MAF: variants seen among roughly 807,000 people sequenced by gnomAD.
MAF encodes the protein MAF bZIP transcription factor.
MAF carries 10 observed loss-of-function variants against 22.0 expected under a neutral mutation model. The ratio of observed to expected loss-of-function variants is 0.45; its 90% CI spans 0.28 to 0.77. The LOEUF is 0.77. Ranked by LOEUF, MAF falls within the 30% of genes least tolerant of loss-of-function variation. The pLI is 0.12. For missense variants in MAF, 544 were observed against 548.4 expected (o/e 0.99, Z 0.08); for synonymous variants, 337 against 255.8 (o/e 1.32, Z -3.03).
the MAF span, among the ~76,000 whole-genome samples, chr16:79,550,788 A>G: frequency 0.011 from 1,676 of 151,832 alleles, 13 homozygotes; most frequent in Middle Eastern, 0.024. Flanking sequence ...GCACACATAA[A>G]AGATTTGTTC....
the MAF span, among the ~76,000 whole-genome samples, chr16:79,383,235 G>A: frequency 1.3e-5 from 2 of 152,164 alleles, no homozygotes; most frequent in African/African-American, 4.8e-5. Context: ...TGGGGGCAGG[G>A]TGGGGATAAG....
At chr16:79,305,545 C>A in the MAF span, among the ~76,000 whole-genome samples, 4 of 152,226 alleles carry the variant, frequency 2.6e-5, no homozygotes, top group African/African-American at 9.6e-5. Flanking sequence ...GGAAACGAGG[C>A]TGTGAGACCT....
the MAF span, among the ~76,000 whole-genome samples, chr16:79,299,976 C>T: frequency 1.3e-5 from 2 of 152,320 alleles, no homozygotes; most frequent in South Asian, 2.1e-4. Flanking sequence ...CCTCTTGTGA[C>T]TTACTTGAGA....
chr16:79,445,022 G>GATTT, the MAF span, among the ~76,000 whole-genome samples: 84 of 152,016 alleles, frequency 5.5e-4, no homozygotes, highest in African/African-American at 1.5e-3. Flanking sequence ...AACACATAAA[G>GATTT]ATTTATTTAT....
At chr16:79,346,165 C>A in the MAF span, among the ~76,000 whole-genome samples, 1 of 151,360 alleles carries the variant, frequency 6.6e-6, no homozygotes, top group Admixed American at 6.6e-5. Context: ...TCTCCTAATG[C>A]TATTCCTCCC....
At chr16:79,443,993 G>T in the MAF span, among the ~76,000 whole-genome samples, 3 of 152,048 alleles carry the variant, frequency 2.0e-5, no homozygotes, top group South Asian at 2.1e-4. Context: ...AAGAGGTAGA[G>T]AATTAATTAA....
chr16:79,272,715 C>T, the MAF span, among the ~76,000 whole-genome samples: 1 of 152,206 alleles, frequency 6.6e-6, no homozygotes, highest in South Asian at 2.1e-4. Flanking sequence ...TTCATTCATT[C>T]TTTCCTCCCA....
the MAF span, among the ~76,000 whole-genome samples, chr16:79,337,511 T>G: frequency 2.6e-5 from 4 of 152,114 alleles, no homozygotes; most frequent in African/African-American, 9.7e-5. Context: ...GAGGTTGCAG[T>G]GAGCCAAGAT....
chr16:79,327,994 C>G, the MAF span, among the ~76,000 whole-genome samples: 1 of 152,202 alleles, frequency 6.6e-6, no homozygotes, highest in African/African-American at 2.4e-5. Flanking sequence ...GAACAAACTC[C>G]TGAAATTCCC....
At chr16:79,462,164 A>G in the MAF span, among the ~76,000 whole-genome samples, 1 of 152,152 alleles carries the variant, frequency 6.6e-6, no homozygotes, top group Non-Finnish European at 1.5e-5. Flanking sequence ...ACCGATAATA[A>G]TGGCCACAAT....
chr16:79,487,036 G>A, the MAF span, among the ~76,000 whole-genome samples: 27 of 152,018 alleles, frequency 1.8e-4, no homozygotes, highest in African/African-American at 6.5e-4. Context: ...AGAGGTTGGG[G>A]AGGCCTAAAG....
the MAF span, among the ~76,000 whole-genome samples, chr16:79,374,237 T>G: frequency 6.6e-6 from 1 of 152,240 alleles, no homozygotes; most frequent in South Asian, 2.1e-4. Flanking sequence ...ATATCTTTCC[T>G]GCATAACCAG....
the MAF span, among the ~76,000 whole-genome samples, chr16:79,442,736 C>T: frequency 6.6e-6 from 1 of 152,276 alleles, no homozygotes; most frequent in Admixed American, 6.5e-5. Flanking sequence ...TAAGAAATTC[C>T]ATCTCCCAGT....
At chr16:79,421,073 C>T in the MAF span, among the ~76,000 whole-genome samples, 2 of 151,866 alleles carry the variant, frequency 1.3e-5, no homozygotes, top group African/African-American at 4.8e-5. Flanking sequence ...AGATTTATTA[C>T]AATATATTAA....
chr16:79,221,757 G>T, the MAF span, among the ~76,000 whole-genome samples: 1 of 151,964 alleles, frequency 6.6e-6, no homozygotes, highest in South Asian at 2.1e-4. Context: ...GATTGTGTGT[G>T]TATGTGTGTG....
chr16:79,282,745 A>G, the MAF span, among the ~76,000 whole-genome samples: 3 of 152,302 alleles, frequency 2.0e-5, no homozygotes, highest in East Asian at 5.8e-4. Context: ...AATAAATAGC[A>G]TTGGCAGGTG....
chr16:79,479,318 T>A, the MAF span, among the ~76,000 whole-genome samples: 1 of 152,366 alleles, frequency 6.6e-6, no homozygotes, highest in Non-Finnish European at 1.5e-5. Context: ...TCCATGACAA[T>A]GTAGCAGTGT....
chr16:79,488,443 A>C, the MAF span, among the ~76,000 whole-genome samples: 2 of 152,064 alleles, frequency 1.3e-5, no homozygotes, highest in Non-Finnish European at 2.9e-5. Context: ...TTGGGTGGCA[A>C]GTTCTGGAGC....
chr16:79,489,246 CATCT>C, the MAF span, among the ~76,000 whole-genome samples: 1 of 152,120 alleles, frequency 6.6e-6, no homozygotes, highest in Non-Finnish European at 1.5e-5. Flanking sequence ...TCTACTCATC[CATCT>C]ATTTATCCAG....
Sources: allele counts gnomAD v4.1 joint callset (sites outside exome capture counted in the v4.1 genomes callset), GRCh38; gene constraint gnomAD v4.1.1; transcripts MANE v1.5; gene names NCBI Gene and HGNC (gene_info 2026-07-23, HGNC 2026-07-21).